The following LYPD5 variants were observed in gnomAD, a reference collection of about 807,000 sequenced individuals.
The protein encoded by LYPD5 is ly6/PLAUR domain-containing protein 5.
LYPD5 carries 21 observed loss-of-function variants against 19.1 expected under a neutral mutation model. That is an observed-to-expected ratio of 1.10 (90% confidence interval 0.78 to 1.58). LYPD5 has a LOEUF of 1.58. Ranked by LOEUF, LYPD5 falls within the 40% of genes most tolerant of loss-of-function variation. The pLI is 0.00. For missense variants in LYPD5, 287 were observed against 329.8 expected (o/e 0.87, Z 1.00); for synonymous variants, 128 against 142.7 (o/e 0.90, Z 0.74).
upstream of LYPD5, among the ~76,000 whole-genome samples, chr19:43,803,300 G>C (rs1422366826): frequency 6.6e-6 from 1 of 152,208 alleles, no homozygotes; most frequent in Non-Finnish European, 1.5e-5. Flanking sequence ...TGTCCCCCGA[G>C]GACACAGGCA....
chr19:43,818,394 C>T lies in LYPD5; in HGVS notation c.-66+2146G>A, dbSNP rs552892333. Among the ~76,000 whole-genome samples the T allele has an allele frequency of 2.0e-5, 3 of 152,280 alleles. No homozygotes were observed. In the South Asian group the frequency reaches 6.2e-4, roughly 32 times the overall value. On this transcript the variant is annotated intron_variant, in intron 1 of 4. Coordinates refer to the LYPD5 transcript ENST00000414615. ...TTGTATGAAGGTCTTACTGAGCTGG[C>T]CACTGCTTGCTATCAAGTGTAATTG...
At chr19:43,804,908 C>G (rs559614783), upstream of LYPD5, among the ~76,000 whole-genome samples, 121 of 152,302 alleles carry the variant, frequency 7.9e-4, no homozygotes, top group Non-Finnish European at 1.4e-3. Flanking sequence ...GGTAGGCAGA[C>G]CAGTCTGGTG....
intron 1 of LYPD5, among the ~76,000 whole-genome samples, chr19:43,809,618 C>G (rs1970302552): frequency 6.6e-6 from 1 of 152,064 alleles, no homozygotes; most frequent in African/African-American, 2.4e-5. Flanking sequence ...TTTTCAACTC[C>G]TGACCTCAGG....
intron 1 of LYPD5, among the ~76,000 whole-genome samples, chr19:43,813,328 C>T (rs56098413): frequency 0.19 from 29,528 of 152,152 alleles, 2,896 homozygotes; most frequent in Non-Finnish European, 0.21. Flanking sequence ...CTCTCGCTCT[C>T]TCTCTTGCCA....
At chr19:43,803,736 A>G (rs759457925), upstream of LYPD5, among the ~76,000 whole-genome samples, 25 of 152,174 alleles carry the variant, frequency 1.6e-4, no homozygotes, top group Non-Finnish European at 3.1e-4. Context: ...TTTTTTATCC[A>G]AAGTTGACTG....
In LYPD5 at chr19:43,810,647, T is replaced by C. The variant is rs188857170; in HGVS notation, c.-66+9893A>G. On this transcript the variant is annotated intron_variant, in intron 1 of 4. Transcript: ENST00000414615. ...TCCGTTTTTCTTTCTTTCTTTCTTT[T>C]TTTTGGACAGAGTCTCGCTCTGTTG... Among the ~76,000 whole-genome samples the C allele has an allele frequency of 5.7e-3, 847 of 148,760 alleles. 5 individuals are homozygous for C. Among genetic ancestry groups the C allele is most frequent in the African/African-American group, 0.019 (747 of 40,338 alleles).
At chr19:43,807,897 G>A (rs149069825) in intron 1 of LYPD5, among the ~76,000 whole-genome samples, 2 of 152,298 alleles carry the variant, frequency 1.3e-5, no homozygotes, top group Admixed American at 1.3e-4. Flanking sequence ...AAGAGATCTT[G>A]GTGGCAAATC....
In LYPD5 at chr19:43,817,059, C is replaced by T. The variant is rs531965706; in HGVS notation, c.-66+3481G>A. Among the ~76,000 whole-genome samples the T allele has an allele frequency of 4.6e-5, 7 of 152,276 alleles. No homozygotes were observed. In the East Asian group the frequency reaches 5.8e-4, roughly 13 times the overall value. ...TCTTTATCAGCAGCATGAAAACAGA[C>T]GAAAACAATCAGTAACCCCAAAACT... is the stretch of plus-strand genomic sequence containing the variant. On this transcript the variant is annotated intron_variant, in intron 1 of 4. Coordinates refer to the LYPD5 transcript ENST00000414615.
upstream of LYPD5, chr19:43,802,557 A>ACGGC: frequency 3.1e-6 from 1 of 317,760 alleles, no homozygotes; most frequent in East Asian, 4.1e-5. Context: ...GGTGATCCTC[A>ACGGC]GTTGCTGGAG....
chr19:43,808,177 T>A (rs982988486), intron 1 of LYPD5, among the ~76,000 whole-genome samples: 3 of 152,178 alleles, frequency 2.0e-5, no homozygotes, highest in African/African-American at 7.2e-5. Flanking sequence ...AGTGGCGTGA[T>A]CTTGACTCAC....
chr19:43,800,295 A>T (rs1386814607), intron 1 of LYPD5, among the ~76,000 whole-genome samples: 2 of 152,314 alleles, frequency 1.3e-5, no homozygotes, highest in East Asian at 3.9e-4. Flanking sequence ...ACACAAACTG[A>T]CATAAACACA....
chr19:43,813,604 T>C (rs1425196764), intron 1 of LYPD5, among the ~76,000 whole-genome samples: 2 of 152,246 alleles, frequency 1.3e-5, no homozygotes, highest in East Asian at 1.9e-4. Context: ...GCTGAGGAGA[T>C]GGACTGACTT....
chr19:43,817,721 A>ATT (rs201274723), intron 1 of LYPD5, among the ~76,000 whole-genome samples: 6 of 145,768 alleles, frequency 4.1e-5, no homozygotes, highest in African/African-American at 1.5e-4. Flanking sequence ...GACTTTATTT[A>ATT]TTTTTTTTTT....
At chr19:43,818,461 A>G (rs541424942) in intron 1 of LYPD5, among the ~76,000 whole-genome samples, 20 of 152,304 alleles carry the variant, frequency 1.3e-4, no homozygotes, top group African/African-American at 3.8e-4. Context: ...GCTGAGGAGA[A>G]GAAGGGAGGT....
chr19:43,806,969 A>G (rs1210796605), upstream of LYPD5, among the ~76,000 whole-genome samples: 1 of 152,206 alleles, frequency 6.6e-6, no homozygotes, highest in African/African-American at 2.4e-5. Context: ...TATTTCACTT[A>G]GCATAATGTC....
At chr19:43,808,960 T>G (rs1970294824) in intron 1 of LYPD5, among the ~76,000 whole-genome samples, 1 of 152,246 alleles carries the variant, frequency 6.6e-6, no homozygotes. Context: ...ATTAACAGAC[T>G]TGCATAATAC....
At chr19:43,809,849 C>T (rs1489551915) in intron 1 of LYPD5, among the ~76,000 whole-genome samples, 1 of 152,224 alleles carries the variant, frequency 6.6e-6, no homozygotes, top group East Asian at 1.9e-4. Flanking sequence ...GGTGGAAGAG[C>T]AGCTCATTGT....
Position 43,797,432 on chromosome 19 carries a change from G to A in LYPD5, c.*159C>T. On this transcript the variant is annotated 3_prime_UTR_variant, in exon 5 of 5. Coordinates refer to ENST00000377950, the MANE Select transcript of LYPD5 (RefSeq NM_001031749.3). ...GTGTCCAGTTTCTTCCAGTACTGTT[G>A]GCCAGGTTGTGGGGCACAAGGGCGG... 1 of 659,108 alleles carries A rather than the reference G, an allele frequency of 1.5e-6. No individual in the cohort carries two copies. Among genetic ancestry groups the A allele is most frequent in the Non-Finnish European group, 2.6e-6 (1 of 384,702 alleles). The allele number at this position is 659,108 out of a possible 1,614,324, so 40.8% of individuals were successfully genotyped here.
chr19:43,819,036 T>C (rs1194553648), intron 1 of LYPD5, among the ~76,000 whole-genome samples: 1 of 152,148 alleles, frequency 6.6e-6, no homozygotes, highest in Non-Finnish European at 1.5e-5. Context: ...TTAATATTAT[T>C]TGTGCCTGTT....
Sources: allele counts gnomAD v4.1 joint callset (sites outside exome capture counted in the v4.1 genomes callset), GRCh38; gene constraint gnomAD v4.1.1; transcripts MANE v1.5; gene names NCBI Gene and HGNC (gene_info 2026-07-23, HGNC 2026-07-21).